IWS1: variants seen among roughly 807,000 people sequenced by gnomAD.
IWS1 encodes protein IWS1 homolog.
In IWS1, 27 loss-of-function variants were observed where a neutral mutation model predicts 86.7. The ratio of observed to expected loss-of-function variants is 0.31; its 90% confidence interval spans 0.23 to 0.43. The LOEUF is 0.43. Among genes scored for constraint, IWS1 ranks in the 20% least tolerant of loss-of-function variants. The pLI is 1.00. For missense variants in IWS1, 827 were observed against 1,000.8 expected (o/e 0.83, Z 2.34); for synonymous variants, 313 against 335.1 (o/e 0.93, Z 0.72).
Position 127,489,544 on chromosome 2 carries a change from G to A in IWS1, c.2159+288C>T, listed in dbSNP as rs138164247. 9 of 496,050 alleles carry A rather than the reference G, an allele frequency of 1.8e-5. No homozygotes were observed. Among genetic ancestry groups the A allele is most frequent in the East Asian group, 3.4e-5 (1 of 29,578 alleles). The allele number at this position is 496,050 out of a possible 1,614,324, so 30.7% of individuals were successfully genotyped here. A position where few individuals can be genotyped will look rare whatever the true frequency, so the allele number is the denominator to read the frequency against. ...TTTTTTCTTCTAGGAACTCGGAAAC[G>A]GGACCCAGAAAGTTGTTTTCTCAAG... On this transcript the variant is annotated intron_variant, in intron 11 of 13. Coordinates refer to ENST00000295321, the MANE Select transcript of IWS1 (RefSeq NM_017969.3). This position sits in a 1 kb window ranked among gnomAD's most constrained non-coding sequence, Gnocchi z 4.8.
At chr2:127,508,856 G>C (rs1483427742) in intron 2 of IWS1, among the ~76,000 whole-genome samples, 1 of 152,148 alleles carries the variant, frequency 6.6e-6, no homozygotes, top group Non-Finnish European at 1.5e-5. Context: ...GCACAGCACT[G>C]GGAGTCACTC....
intron 1 of IWS1, among the ~76,000 whole-genome samples, chr2:127,524,839 A>G (rs957911685): frequency 1.3e-5 from 2 of 151,500 alleles, no homozygotes; most frequent in African/African-American, 4.9e-5. Context: ...AAATGAATGG[A>G]AAAAAAACTA....
intron 2 of IWS1, among the ~76,000 whole-genome samples, chr2:127,521,430 T>G (rs962129163): frequency 6.6e-6 from 1 of 152,244 alleles, no homozygotes; most frequent in Non-Finnish European, 1.5e-5. Context: ...ACTTCACAGA[T>G]GCAGGAGTGC....
chr2:127,506,349 C>T (rs1284917077), intron 2 of IWS1, among the ~76,000 whole-genome samples: 1 of 152,036 alleles, frequency 6.6e-6, no homozygotes, highest in Non-Finnish European at 1.5e-5. Context: ...GCCTGGGTGA[C>T]AGAGTGAGAC....
upstream of IWS1, among the ~76,000 whole-genome samples, chr2:127,527,301 CTGA>C (rs1291546407): frequency 6.6e-6 from 1 of 152,168 alleles, no homozygotes; most frequent in Non-Finnish European, 1.5e-5. Context: ...CAAATTCCCG[CTGA>C]TGATATCGAG....
chr2:127,510,894 A>G (rs1345692299), intron 2 of IWS1, among the ~76,000 whole-genome samples: 1 of 152,208 alleles, frequency 6.6e-6, no homozygotes, highest in Non-Finnish European at 1.5e-5. Context: ...ACTTTGGAGA[A>G]AACCATACAA....
intron 1 of IWS1, among the ~76,000 whole-genome samples, chr2:127,524,521 AC>A (rs1205309224): frequency 1.3e-5 from 2 of 151,894 alleles, no homozygotes; most frequent in Non-Finnish European, 2.9e-5. Flanking sequence ...TAACCTATAT[AC>A]ATGTATTACA....
chr2:127,487,594 G>A (rs949395122), intron 12 of IWS1, among the ~76,000 whole-genome samples: 13 of 152,034 alleles, frequency 8.6e-5, no homozygotes, highest in Non-Finnish European at 1.8e-4. Flanking sequence ...TCTGTTGCCC[G>A]GGCTAGAGTG....
chr2:127,504,557 A>G, intron 3 of IWS1, 127 bp downstream of exon 3: 1 of 725,782 alleles, frequency 1.4e-6, no homozygotes, highest in Non-Finnish European at 2.3e-6. Context: ...TGTCCTACTG[A>G]TATTTTAGAA....
chr2:127,500,762 C>T (rs11888955), intron 5 of IWS1, among the ~76,000 whole-genome samples: 107 of 152,196 alleles, frequency 7.0e-4, no homozygotes, highest in African/African-American at 2.5e-3. Flanking sequence ...CCATGTAATA[C>T]TTTCTAATTG....
intron 2 of IWS1, among the ~76,000 whole-genome samples, chr2:127,519,501 G>GTT (rs1443863897): frequency 6.6e-6 from 1 of 151,604 alleles, no homozygotes; most frequent in African/African-American, 2.4e-5. Context: ...GCGTGTGTGT[G>GTT]CACTGAGTAA....
intron 2 of IWS1, among the ~76,000 whole-genome samples, chr2:127,520,175 T>C (rs1211825830): frequency 6.6e-6 from 1 of 152,206 alleles, no homozygotes; most frequent in Non-Finnish European, 1.5e-5. Context: ...TTTTTTGTTT[T>C]GTTTTTATTT....
At position 127,494,570 on chromosome 2, in the gene IWS1, T is replaced by C. The variant is rs544076095; in HGVS notation, c.1799+302A>G. Reference sequence around the variant, plus strand: ...TAAGCCCAGGAGTTCAAGACAAGCCTGGGCAACATAGCAAGATCCTGTCTT... The same window carrying C: ...TAAGCCCAGGAGTTCAAGACAAGCCCGGGCAACATAGCAAGATCCTGTCTT... On this transcript the variant is annotated intron_variant, in intron 8 of 13. Coordinates refer to ENST00000295321, the MANE Select transcript of IWS1 (RefSeq NM_017969.3). 8 of 177,910 alleles carry C rather than the reference T, an allele frequency of 4.5e-5. No homozygotes were observed. In the South Asian group the frequency reaches 1.3e-3, roughly 30 times the overall value. The allele number at this position is 177,910 out of a possible 1,614,324, so 11.0% of individuals were successfully genotyped here.
chr2:127,491,002 AG>A (rs1327879286), intron 10 of IWS1: 5 of 152,226 alleles, frequency 3.3e-5, no homozygotes, highest in African/African-American at 1.2e-4. Context: ...CATGGAGGAC[AG>A]GAAGAGTTAA....
rs765607025 is a variant in IWS1, at chr2:127,493,437, T to A, written c.1800-27A>T. 27 of 1,577,218 alleles carry A rather than the reference T, an allele frequency of 1.7e-5. No homozygotes were observed. In the East Asian group the frequency reaches 6.1e-4, roughly 36 times the overall value. ...TGCAGTAACAATAATTTTTAAAAAT[T>A]CTGTGAACCTTGGTTCTACTGTATC... On this transcript the variant is annotated intron_variant, in intron 8 of 13. Transcript: ENST00000295321.
intron 2 of IWS1, among the ~76,000 whole-genome samples, chr2:127,509,313 G>T (rs1691316513): frequency 6.6e-6 from 1 of 152,138 alleles, no homozygotes; most frequent in Non-Finnish European, 1.5e-5. Flanking sequence ...ACCAACAGTT[G>T]AAACTGACAT....
intron 3 of IWS1, 125 bp from the exon 4 acceptor site, chr2:127,503,701 T>TAAATAAATAAATAAATAAATAAAATA (rs1395146990): frequency 3.1e-6 from 1 of 326,146 alleles, no homozygotes; most frequent in African/African-American, 2.7e-5. Context: ...AATAAATAAA[T>TAAATAAATAAATAAATAAATAAAATA]AAATAAAATA....
chr2:127,510,150 T>C (rs1164804950), intron 2 of IWS1, among the ~76,000 whole-genome samples: 1 of 152,166 alleles, frequency 6.6e-6, no homozygotes, highest in Non-Finnish European at 1.5e-5. Flanking sequence ...TATAGGACCA[T>C]TTTCAAAAAC....
chr2:127,491,625 A>G (rs1212393745), intron 10 of IWS1, among the ~76,000 whole-genome samples: 1 of 152,062 alleles, frequency 6.6e-6, no homozygotes, highest in Non-Finnish European at 1.5e-5. Context: ...TTGTATTTTT[A>G]GTAGAGATGG....
Sources: gnomAD v4.1 joint callset for allele counts (sites outside exome capture counted in the v4.1 genomes callset) on GRCh38, gnomAD v4.1.1 for gene constraint, Gnocchi (gnomAD v3.1) non-coding constraint, MANE v1.5 for transcripts, NCBI Gene and HGNC (gene_info 2026-07-23, HGNC 2026-07-21) for gene names.